Variants in ASTN2 observed in about 807,000 individuals in gnomAD.
The protein encoded by ASTN2 is astrotactin-2.
A neutral mutation model predicts 139.8 loss-of-function variants in ASTN2; 54 were observed. The observed-to-expected ratio is 0.39, with a 90% confidence interval of 0.31 to 0.48. The LOEUF is 0.48. Among genes scored for constraint, ASTN2 ranks in the 20% least tolerant of loss-of-function variants. ASTN2 has a pLI of 0.95. For synonymous variants in ASTN2, 756 were observed against 719.5 expected (o/e 1.05, Z -0.81); for missense variants, 1,565 against 1,725.1 (o/e 0.91, Z 1.64).
intron 1 of ASTN2, among the ~76,000 whole-genome samples, chr9:117,296,631 T>C (rs2416595): frequency 0.88 from 133,590 of 152,250 alleles, 61,089 homozygotes; most frequent in East Asian, 1. Flanking sequence ...GGAACCAAGA[T>C]GATTCCCATA....
intron 3 of ASTN2, among the ~76,000 whole-genome samples, chr9:117,189,090 T>A (rs1198397075): frequency 6.6e-6 from 1 of 152,156 alleles, no homozygotes; most frequent in Non-Finnish European, 1.5e-5. Context: ...AGGAGACTCC[T>A]ACATCCTGAA....
intron 1 of ASTN2, among the ~76,000 whole-genome samples, chr9:117,389,523 AG>A (rs965641362): frequency 6.6e-6 from 1 of 152,186 alleles, no homozygotes; most frequent in African/African-American, 2.4e-5. Context: ...GCCCTTTTGA[AG>A]GAGTGGAAGT....
At chr9:117,301,362 A>G (rs1834871073) in intron 1 of ASTN2, among the ~76,000 whole-genome samples, 1 of 152,196 alleles carries the variant, frequency 6.6e-6, no homozygotes, top group Non-Finnish European at 1.5e-5. Flanking sequence ...GTGACTAAAG[A>G]ATGGAGACAG....
chr9:117,285,566 A>C (rs1040838300), intron 2 of ASTN2, among the ~76,000 whole-genome samples: 1 of 152,176 alleles, frequency 6.6e-6, no homozygotes, highest in African/African-American at 2.4e-5. Flanking sequence ...TATATTCCTC[A>C]AAGTATTATT....
intron 5 of ASTN2, among the ~76,000 whole-genome samples, chr9:117,051,853 C>A (rs1838920070): frequency 6.6e-6 from 1 of 152,136 alleles, no homozygotes; most frequent in African/African-American, 2.4e-5. Flanking sequence ...GCTTCCATGA[C>A]AATGTTCACC....
chr9:116,465,894 G>A (rs569882372), intron 20 of ASTN2, among the ~76,000 whole-genome samples: 2 of 152,290 alleles, frequency 1.3e-5, no homozygotes, highest in East Asian at 3.9e-4. Context: ...GAGCTCTGAA[G>A]CAAATGTGAC....
intron 19 of ASTN2, among the ~76,000 whole-genome samples, chr9:116,514,654 C>G (rs997634701): frequency 9.2e-5 from 14 of 152,148 alleles, no homozygotes; most frequent in Admixed American, 3.3e-4. Context: ...GGGCTTTACC[C>G]AGTTTGAGCT....
chr9:116,542,460 G>A (rs959270581), intron 19 of ASTN2, among the ~76,000 whole-genome samples: 3 of 152,056 alleles, frequency 2.0e-5, no homozygotes, highest in Admixed American at 1.3e-4. Context: ...TTTGGTCAAA[G>A]ATCATTGCAA....
intron 3 of ASTN2, among the ~76,000 whole-genome samples, chr9:117,149,978 A>C (rs1178671198): frequency 6.6e-6 from 1 of 152,200 alleles, no homozygotes; most frequent in East Asian, 1.9e-4. Flanking sequence ...AGCAAATATA[A>C]ATTGGAAAAC....
At chr9:117,183,133 G>T (rs183499180) in intron 3 of ASTN2, among the ~76,000 whole-genome samples, 1 of 152,114 alleles carries the variant, frequency 6.6e-6, no homozygotes, top group East Asian at 1.9e-4. Context: ...TTCCTTCCTG[G>T]CAGCTTTGTG....
intron 19 of ASTN2, among the ~76,000 whole-genome samples, chr9:116,519,652 C>T (rs535938666): frequency 5.9e-5 from 9 of 151,796 alleles, no homozygotes; most frequent in African/African-American, 2.2e-4. Context: ...AAAGAAATAA[C>T]GAATATCAGA....
At chr9:117,222,356 G>A (rs1044990181) in intron 2 of ASTN2, among the ~76,000 whole-genome samples, 2 of 152,158 alleles carry the variant, frequency 1.3e-5, no homozygotes, top group Non-Finnish European at 2.9e-5. Context: ...GAGAAGGCAT[G>A]GTGCCAAGTA....
chr9:116,755,572 T>C lies in ASTN2; in HGVS notation c.2397-22049A>G, dbSNP rs1829512333. Reference sequence around the variant, plus strand: ...CGCTAATGTCTTGATCTTGGACTTTTAGCCTCCAAAACTATGAAAAATAAA... The same window carrying C: ...CGCTAATGTCTTGATCTTGGACTTTCAGCCTCCAAAACTATGAAAAATAAA... On this transcript the variant is annotated intron_variant, in intron 13 of 22. Transcript: ENST00000313400. Among the ~76,000 whole-genome samples, 2 of 152,220 alleles carry C rather than the reference T, an allele frequency of 1.3e-5. 1 individual carries two copies. The highest frequency in any genetic ancestry group is 1.3e-4 in the Admixed American group (2 of 15,286).
chr9:116,586,804 G>C (rs983091252), intron 19 of ASTN2, among the ~76,000 whole-genome samples: 1 of 48,740 alleles, frequency 2.1e-5, no homozygotes, highest in African/African-American at 6.6e-5. Context: ...TAAAATACCA[G>C]TTGAAATTCA....
At chr9:117,080,458 G>A (rs1403788982) in intron 5 of ASTN2, among the ~76,000 whole-genome samples, 3 of 152,120 alleles carry the variant, frequency 2.0e-5, no homozygotes, top group African/African-American at 7.2e-5. Context: ...AATGTACAGT[G>A]TCACAGAAAA....
Position 116,805,715 on chromosome 9 carries a change from A to G in ASTN2, c.2313T>C (p.Asp771=), listed in dbSNP as rs764962164. Residue 771 remains aspartate (D), a synonymous_variant, in exon 13 of 23, where the codon GAT becomes GAC. Coordinates refer to ENST00000313400, the MANE Select transcript of ASTN2 (RefSeq NM_001365068.1). The part of the protein sequence containing the change: ...KCLKPDSKFN[D]TLFGEMLHGY... ...CATGTAGCATCTCTCCAAAGAGGGT[A>G]TCATTGAATTTGGAGTCAGGTTTGA... 1 of 1,613,976 alleles carries G rather than the reference A, an allele frequency of 6.2e-7. No individual in the cohort carries two copies. Among genetic ancestry groups the G allele is most frequent in the Admixed American group, 1.7e-5 (1 of 60,024 alleles).
chr9:117,272,047 A>G (rs1014426735), intron 2 of ASTN2, among the ~76,000 whole-genome samples: 10 of 152,142 alleles, frequency 6.6e-5, no homozygotes. Context: ...TTTCTCTTCC[A>G]CACTCCCATA....
intron 1 of ASTN2, among the ~76,000 whole-genome samples, chr9:117,346,610 G>A (rs181228636): frequency 9.9e-5 from 15 of 152,208 alleles, no homozygotes; most frequent in East Asian, 5.8e-4. Flanking sequence ...CTGACACATC[G>A]TTTAGCAGAA....
chr9:117,040,300 T>C (rs901886312), intron 5 of ASTN2, among the ~76,000 whole-genome samples: 12 of 152,154 alleles, frequency 7.9e-5, no homozygotes, highest in African/African-American at 2.7e-4. Flanking sequence ...AGCCCTCCAT[T>C]CTCCTTAGAG....
Sources: allele counts gnomAD v4.1 joint callset (sites outside exome capture counted in the v4.1 genomes callset), GRCh38; gene constraint gnomAD v4.1.1; transcripts MANE v1.5; gene names NCBI Gene and HGNC (gene_info 2026-07-23, HGNC 2026-07-21).